MYO9B: variants seen among roughly 807,000 people sequenced by gnomAD.
The protein encoded by MYO9B is myosin IXB.
MYO9B carries 71 observed loss-of-function variants against 229.5 expected under a neutral mutation model. The observed-to-expected ratio is 0.31, with a 90% CI of 0.26 to 0.38. The LOEUF (loss-of-function observed/expected upper bound fraction) is 0.38. Among genes scored for constraint, MYO9B ranks in the 10% least tolerant of loss-of-function variants. The probability of loss-of-function intolerance (pLI) is 1.00; values close to 1 mark genes in which losing one functional copy is unlikely to be tolerated. For missense variants in MYO9B, 2,255 were observed against 2,920.5 expected (o/e 0.77, Z 5.25); for synonymous variants, 1,185 against 1,235.8 (o/e 0.96, Z 0.86).
Position 17,190,913 on chromosome 19 carries a change from G to A in MYO9B, c.2689-184G>A, listed in dbSNP as rs183372093. Among the ~76,000 whole-genome samples, 212 of 152,198 alleles carry A rather than the reference G, an allele frequency of 1.4e-3. 4 individuals carry two copies. In the South Asian group the frequency reaches 0.028, roughly 20 times the overall value. On this transcript the variant is annotated intron_variant, in intron 19 of 39. Coordinates refer to ENST00000682292, the MANE Select transcript of MYO9B (RefSeq NM_004145.4). Reference sequence around the variant, plus strand: ...ACACACCTCGGCCTCCCAAAGTGCTGGGAGTACAGGTGTGAGCCACCACAC... The same window carrying A: ...ACACACCTCGGCCTCCCAAAGTGCTAGGAGTACAGGTGTGAGCCACCACAC...
chr19:17,181,713 A>G (rs1478108286), intron 15 of MYO9B, among the ~76,000 whole-genome samples: 1 of 152,218 alleles, frequency 6.6e-6, no homozygotes, highest in Non-Finnish European at 1.5e-5. Context: ...TTGCACCTGC[A>G]TGGGAGCCAA....
At chr19:17,186,159 T>C (rs116125679) in intron 18 of MYO9B, among the ~76,000 whole-genome samples, 158 bp downstream of exon 18, 13,849 of 152,080 alleles carry the variant, frequency 0.091, 1,350 homozygotes, top group African/African-American at 0.25. Context: ...GTGAGGATGG[T>C]CCAAGTGGCC....
Position 17,172,578 on chromosome 19 carries a change from G to A in MYO9B, c.1935+101G>A. 6.6e-7 allele frequency: 1 copy of A among 1,519,756 alleles called. No homozygotes were observed. 94.1% of individuals were successfully genotyped at this position (1,519,756 alleles called of 1,614,324 possible). ...CCTCCTGTGGGCGAGGTTCCAGGGT[G>A]CTCAGAACCCACCGCGAATCCCCGG... On this transcript the variant is annotated intron_variant, in intron 12 of 39. Coordinates refer to ENST00000682292, the MANE Select transcript of MYO9B (RefSeq NM_004145.4). The surrounding 1 kb of genome is among the most constrained non-coding windows in gnomAD (Gnocchi z 8.2).
chr19:17,086,620 C>T (rs1404051330), intron 1 of MYO9B, among the ~76,000 whole-genome samples: 1 of 152,208 alleles, frequency 6.6e-6, no homozygotes, highest in African/African-American at 2.4e-5. Flanking sequence ...TGGCTCACGC[C>T]TGTAATTCTA....
intron 30 of MYO9B, among the ~76,000 whole-genome samples, chr19:17,203,800 G>A (rs192547055): frequency 1.4e-3 from 212 of 151,926 alleles, no homozygotes; most frequent in African/African-American, 4.9e-3. Context: ...TCCTCTCCTC[G>A]TGGGCCCTGC....
At chr19:17,196,443 C>T (rs1403591192) in intron 22 of MYO9B, among the ~76,000 whole-genome samples, 1 of 151,898 alleles carries the variant, frequency 6.6e-6, no homozygotes, top group African/African-American at 2.4e-5. Context: ...TGCCTGTAAT[C>T]CCAGCATTTT....
intron 3 of MYO9B, among the ~76,000 whole-genome samples, chr19:17,152,303 C>T (rs903125897): frequency 6.6e-6 from 1 of 152,064 alleles, no homozygotes; most frequent in Non-Finnish European, 1.5e-5. Flanking sequence ...CCTGTAATCC[C>T]GCACTTTGGG....
At chr19:17,132,178 CTTTT>C (rs60927116) in intron 2 of MYO9B, among the ~76,000 whole-genome samples, 1 of 78,424 alleles carries the variant, frequency 1.3e-5, no homozygotes, top group Non-Finnish European at 2.3e-5. Context: ...TATTTTATTT[CTTTT>C]TTTTTTTTTT....
chr19:17,162,900 C>T (rs1014314978), intron 9 of MYO9B, 88 bp from the exon 10 acceptor site: 1 of 1,443,482 alleles, frequency 6.9e-7, no homozygotes, highest in African/African-American at 1.4e-5. Flanking sequence ...CCTAACAGGT[C>T]ACAGCCTGTA....
Position 17,101,538 on chromosome 19 carries a change from C to T in MYO9B, c.-58-122C>T. 9.9e-7 allele frequency: 1 copy of T among 1,007,712 alleles called. No individual in the cohort carries two copies. The highest frequency in any genetic ancestry group is 1.4e-6 in the Non-Finnish European group (1 of 713,972). 62.4% of individuals were successfully genotyped at this position (1,007,712 alleles called of 1,614,324 possible). A position where few individuals can be genotyped will look rare whatever the true frequency, so the allele number is the denominator to read the frequency against. ...GGTTGCCTCTGGCTTTTTGGGCGAG[C>T]CTAGTCGGGTGGGGAACTCCAGCAT... On this transcript the variant is annotated intron_variant, in intron 1 of 39. Transcript: ENST00000682292. This position sits in a 1 kb window ranked among gnomAD's most constrained non-coding sequence, Gnocchi z 4.7.
At chr19:17,183,889 C>T (rs1304098907) in intron 16 of MYO9B, 21 bp downstream of exon 16, 7 of 1,555,088 alleles carry the variant, frequency 4.5e-6, no homozygotes, top group East Asian at 4.6e-5. Flanking sequence ...AAACACACCC[C>T]GCGCGACACG....
At chr19:17,092,140 G>A (rs1410779636) in intron 1 of MYO9B, among the ~76,000 whole-genome samples, 2 of 152,240 alleles carry the variant, frequency 1.3e-5, no homozygotes, top group Admixed American at 1.3e-4. Flanking sequence ...AGAAGAAAGA[G>A]CCCATCCTTG....
At chr19:17,162,850 G>C (rs1327329777) in intron 9 of MYO9B, 138 bp from the exon 10 acceptor site, 3 of 975,204 alleles carry the variant, frequency 3.1e-6, no homozygotes, top group Non-Finnish European at 4.5e-6. Flanking sequence ...TTCCATGCTG[G>C]TAATGGCAAA....
At chr19:17,178,507 T>C (rs1410788515) in intron 14 of MYO9B, 1 of 150,746 alleles carries the variant, frequency 6.6e-6, no homozygotes, top group African/African-American at 2.4e-5. Context: ...AAAAACCAGA[T>C]CCTCATTTCT....
intron 8 of MYO9B, among the ~76,000 whole-genome samples, chr19:17,162,085 C>T (rs975239603): frequency 6.6e-6 from 1 of 151,814 alleles, no homozygotes; most frequent in Non-Finnish European, 1.5e-5. Context: ...GCAGGCAGAT[C>T]ACCTGAGGTC....
chr19:17,119,260 C>T (rs967608588), intron 2 of MYO9B, among the ~76,000 whole-genome samples: 8 of 152,222 alleles, frequency 5.3e-5, no homozygotes, highest in Admixed American at 2.0e-4. Flanking sequence ...TCAGTGCCAG[C>T]GCACAGCACC....
Position 17,125,297 on chromosome 19 carries a change from TCC to T in MYO9B, c.841-20089_841-20088del, listed in dbSNP as rs67309597. ...GCCTGGGCAACAGAGTAAAACCCCA[TCC>T]CCCCCCCCCCAAAAAAAGGGTAAGA... On this transcript the variant is annotated intron_variant, in intron 2 of 39. Transcript: ENST00000682292. 7.1e-3 allele frequency among the ~76,000 whole-genome samples: 712 copies of T among 99,710 alleles called. 24 individuals are homozygous for T. The highest frequency in any genetic ancestry group is 0.041 in the South Asian group (115 of 2,804). 65.4% of individuals were successfully genotyped at this position (99,710 alleles called of 152,430 possible). A position where few individuals can be genotyped will look rare whatever the true frequency, so the allele number is the denominator to read the frequency against.
chr19:17,112,825 C>T (rs2057861488), intron 2 of MYO9B, among the ~76,000 whole-genome samples: 1 of 152,242 alleles, frequency 6.6e-6, no homozygotes, highest in Admixed American at 6.5e-5. Context: ...GGGCACCTCC[C>T]AGCCAGGCAC....
chr19:17,131,738 T>C (rs2072198839), intron 2 of MYO9B, among the ~76,000 whole-genome samples: 2 of 152,320 alleles, frequency 1.3e-5, no homozygotes, highest in Middle Eastern at 6.8e-3. Flanking sequence ...AGGCCAGCCC[T>C]GTCAGAGGAA....
Sources: gnomAD v4.1 joint callset for allele counts (sites outside exome capture counted in the v4.1 genomes callset) on GRCh38, gnomAD v4.1.1 for gene constraint, Gnocchi (gnomAD v3.1) non-coding constraint, MANE v1.5 for transcripts, NCBI Gene and HGNC (gene_info 2026-07-23, HGNC 2026-07-21) for gene names.